CDKAL1: variants seen among roughly 807,000 people sequenced by gnomAD.
CDKAL1 encodes threonylcarbamoyladenosine tRNA methylthiotransferase.
Under a neutral mutation model 68.2 loss-of-function variants are expected in CDKAL1, and 32 were observed. That is an observed-to-expected ratio of 0.47 (90% CI 0.35 to 0.63). CDKAL1 has a LOEUF of 0.63. Among genes scored for constraint, CDKAL1 ranks in the 30% least tolerant of loss-of-function variants. CDKAL1 has a pLI of 0.00. For missense variants in CDKAL1, 606 were observed against 696.7 expected, an observed-to-expected ratio of 0.87 and a Z score of 1.47; for synonymous variants, 234 against 244.3, an observed-to-expected ratio of 0.96 and a Z score of 0.39.
At chr6:20,696,821 C>T (rs1287170741) in intron 5 of CDKAL1, among the ~76,000 whole-genome samples, 2 of 152,088 alleles carry the variant, frequency 1.3e-5, no homozygotes, top group Non-Finnish European at 2.9e-5. Context: ...TTCCAGCTTT[C>T]CCCAGTTAGG....
intron 5 of CDKAL1, among the ~76,000 whole-genome samples, chr6:20,726,283 T>C (rs1772652369): frequency 6.6e-6 from 1 of 152,186 alleles, no homozygotes; most frequent in East Asian, 1.9e-4. Context: ...AATCCAGCTA[T>C]GACCTGTGTG....
chr6:21,191,750 T>C (rs1460506120), intron 13 of CDKAL1, among the ~76,000 whole-genome samples: 2 of 121,710 alleles, frequency 1.6e-5, no homozygotes, highest in Non-Finnish European at 3.4e-5. Context: ...TCTGCCTTTG[T>C]GGTTTTCATT....
At chr6:20,964,066 C>A (rs1765182249) in intron 10 of CDKAL1, among the ~76,000 whole-genome samples, 1 of 151,722 alleles carries the variant, frequency 6.6e-6, no homozygotes, top group Admixed American at 6.6e-5. Flanking sequence ...AAAAACTCAA[C>A]ATCACCGATC....
intron 11 of CDKAL1, among the ~76,000 whole-genome samples, chr6:21,003,371 T>TATATATATATATATACAC: frequency 0.022 from 1,070 of 48,846 alleles, 37 homozygotes; most frequent in East Asian, 0.034. Context: ...TATATATATA[T>TATATATATATATATACAC]ACACACACAC....
chr6:20,625,952 C>T (rs1007661179), intron 4 of CDKAL1, among the ~76,000 whole-genome samples: 1 of 152,084 alleles, frequency 6.6e-6, no homozygotes, highest in African/African-American at 2.4e-5. Context: ...TTCTTGTGAT[C>T]CCCCCATCCC....
chr6:20,815,617 TA>T lies in CDKAL1; in HGVS notation c.639-30449del, dbSNP rs36037446. Among the ~76,000 whole-genome samples, 214 of 151,356 alleles carry T rather than the reference TA, an allele frequency of 1.4e-3. 1 individual carries two copies. The highest frequency in any genetic ancestry group is 3.9e-3 in the African/African-American group (162 of 41,330). ...CCTGATTAGTTTAACTGACTACACT[TA>T]AAAAAAAATTAGTCATCTTTATTGG... On this transcript the variant is annotated intron_variant, in intron 8 of 15. Transcript: ENST00000274695.
At chr6:20,561,087 T>G (rs1764246534) in intron 4 of CDKAL1, among the ~76,000 whole-genome samples, 1 of 151,678 alleles carries the variant, frequency 6.6e-6, no homozygotes, top group African/African-American at 2.4e-5. Context: ...ATGTGTGAGT[T>G]CTTTCTGTCT....
intron 13 of CDKAL1, among the ~76,000 whole-genome samples, chr6:21,138,227 A>T (rs972258254): frequency 2.1e-5 from 1 of 48,658 alleles, no homozygotes; most frequent in East Asian, 2.2e-3. Context: ...GTGTGTGTGT[A>T]TGTGTGTGTC....
chr6:20,585,218 A>AT (rs1276043409), intron 4 of CDKAL1, among the ~76,000 whole-genome samples: 1 of 150,810 alleles, frequency 6.6e-6, no homozygotes, highest in Admixed American at 6.6e-5. Context: ...CACCATGCTA[A>AT]TTTTTTTTTA....
At chr6:20,648,128 A>G (rs1021125714) in intron 4 of CDKAL1, among the ~76,000 whole-genome samples, 20 of 136,746 alleles carry the variant, frequency 1.5e-4, no homozygotes, top group African/African-American at 4.8e-4. Context: ...TACTGGGGGA[A>G]TTTTTTTTTT....
intron 12 of CDKAL1, among the ~76,000 whole-genome samples, chr6:21,088,970 A>C (rs937358337): frequency 6.6e-6 from 1 of 152,188 alleles, no homozygotes. Flanking sequence ...AATTAGTATG[A>C]TATAGACAAT....
chr6:20,692,558 A>G (rs1212117710), intron 5 of CDKAL1, among the ~76,000 whole-genome samples: 2 of 152,172 alleles, frequency 1.3e-5, no homozygotes, highest in Non-Finnish European at 2.9e-5. Flanking sequence ...GAACTCTGAA[A>G]TTTTGTGATT....
At chr6:21,074,295 G>A (rs1475436648) in intron 12 of CDKAL1, among the ~76,000 whole-genome samples, 5 of 152,076 alleles carry the variant, frequency 3.3e-5, no homozygotes, top group Non-Finnish European at 7.4e-5. Flanking sequence ...ATTGTCACAA[G>A]GTGTCCGTGT....
intron 13 of CDKAL1, among the ~76,000 whole-genome samples, chr6:21,160,362 A>T (rs1482261892): frequency 6.6e-6 from 1 of 151,576 alleles, no homozygotes; most frequent in African/African-American, 2.4e-5. Context: ...CAGTGGCGCA[A>T]TCTCGGCTCA....
Position 20,735,302 on chromosome 6 carries a change from T to TA in CDKAL1, c.372-4209dup, listed in dbSNP as rs112016767. The stretch of plus-strand genomic sequence containing the variant: ...ACATACCTGAGACTGGGTAATTTAT[T>TA]AAAAAAAAGAGGTTTAATTGACTCA... On this transcript the variant is annotated intron_variant, in intron 5 of 15. Transcript: ENST00000274695. Among the ~76,000 whole-genome samples the TA allele has an allele frequency of 2.6e-4, 39 of 151,894 alleles. 1 individual carries two copies. The highest frequency in any genetic ancestry group is 5.2e-4 in the Admixed American group (8 of 15,258).
chr6:20,575,517 C>A (rs1217892904), intron 4 of CDKAL1, among the ~76,000 whole-genome samples: 3 of 151,384 alleles, frequency 2.0e-5, no homozygotes. Flanking sequence ...TATAACATAG[C>A]CACAGAAATT....
intron 9 of CDKAL1, among the ~76,000 whole-genome samples, chr6:20,887,290 C>T (rs1237373296): frequency 6.6e-6 from 1 of 152,154 alleles, no homozygotes; most frequent in Non-Finnish European, 1.5e-5. Context: ...TCAACATGCA[C>T]TTATCCTGTA....
intron 9 of CDKAL1, among the ~76,000 whole-genome samples, chr6:20,941,070 G>A (rs1763949715): frequency 6.7e-6 from 1 of 149,420 alleles, no homozygotes; most frequent in Non-Finnish European, 1.5e-5. Flanking sequence ...CTGGGCGACA[G>A]ACGGAGCAAG....
intron 5 of CDKAL1, among the ~76,000 whole-genome samples, chr6:20,716,707 C>T (rs1337656612): frequency 6.6e-6 from 1 of 151,348 alleles, no homozygotes. Context: ...AATGAGAAGT[C>T]AAGAAGAATT....
Sources: gnomAD v4.1 joint callset for allele counts (sites outside exome capture counted in the v4.1 genomes callset) on GRCh38, gnomAD v4.1.1 for gene constraint, MANE v1.5 for transcripts, NCBI Gene and HGNC (gene_info 2026-07-23, HGNC 2026-07-21) for gene names.